The following CLEC16A variants were observed in gnomAD, a reference collection of about 807,000 sequenced individuals.
CLEC16A encodes protein CLEC16A.
CLEC16A carries 51 observed loss-of-function variants against 109.5 expected under a neutral mutation model. The ratio of observed to expected loss-of-function variants is 0.47; its 90% CI spans 0.37 to 0.59. The LOEUF (loss-of-function observed/expected upper bound fraction) is 0.59, where lower values mean the gene tolerates loss of function less well. Ranked by LOEUF, CLEC16A falls within the 20% of genes least tolerant of loss-of-function variation. The pLI, the probability that CLEC16A is intolerant of heterozygous loss-of-function variation, is 0.00. For missense variants in CLEC16A, 1,339 were observed against 1,394.0 expected (o/e 0.96, Z 0.63); for synonymous variants, 673 against 564.2 (o/e 1.19, Z -2.73).
chr16:10,973,108 G>C (rs758888962), intron 7 of CLEC16A, 47 bp downstream of exon 7: 9 of 1,548,924 alleles, frequency 5.8e-6, no homozygotes, highest in Non-Finnish European at 7.0e-6. Flanking sequence ...AGGGTGGTTA[G>C]GGGAGAATTC....
intron 19 of CLEC16A, among the ~76,000 whole-genome samples, chr16:11,114,014 C>T (rs2051788884): frequency 6.6e-6 from 1 of 152,132 alleles, no homozygotes; most frequent in Admixed American, 6.5e-5. Context: ...TTGAGAAATG[C>T]CAGTTTCTCT....
At chr16:11,004,308 C>G (rs2044856382) in intron 11 of CLEC16A, among the ~76,000 whole-genome samples, 1 of 152,190 alleles carries the variant, frequency 6.6e-6, no homozygotes, top group African/African-American at 2.4e-5. Context: ...GCCCGTCGTC[C>G]TGGGCACTGG....
rs760323471 is a variant in CLEC16A, at chr16:10,961,420, G to A, written c.210-1035G>A. ...GAGGCACCCACAACTGAGTCAGCCC[G>A]CAGGCACACCTCATTTCTTCCAAGT... is the stretch of plus-strand genomic sequence containing the variant. On this transcript the variant is annotated intron_variant, in intron 2 of 23. Transcript: ENST00000409790. This position sits in a 1 kb window ranked among gnomAD's most constrained non-coding sequence, Gnocchi z 4.3. Among the ~76,000 whole-genome samples, 37 of 152,244 alleles carry A rather than the reference G, an allele frequency of 2.4e-4. No homozygotes were observed. The highest frequency in any genetic ancestry group is 2.0e-3 in the Admixed American group (30 of 15,286).
At chr16:11,026,648 T>G (rs1217030974) in intron 13 of CLEC16A, among the ~76,000 whole-genome samples, 1 of 125,348 alleles carries the variant, frequency 8.0e-6, no homozygotes, top group African/African-American at 3.4e-5. Context: ...GTTTGGGGTT[T>G]TTTTTTTTTT....
intron 12 of CLEC16A, among the ~76,000 whole-genome samples, chr16:11,023,032 G>A: frequency 6.7e-6 from 1 of 149,586 alleles, no homozygotes; most frequent in East Asian, 1.9e-4. Context: ...GCATAAAGGG[G>A]GAAAAAGTCT....
At chr16:10,986,805 T>G (rs561949111) in intron 10 of CLEC16A, among the ~76,000 whole-genome samples, 25 of 151,830 alleles carry the variant, frequency 1.6e-4, no homozygotes, top group African/African-American at 5.8e-4. Context: ...CTTTATCCAT[T>G]TATCCATCAT....
chr16:11,159,856 T>A (rs1290606878), intron 22 of CLEC16A, among the ~76,000 whole-genome samples: 1 of 152,232 alleles, frequency 6.6e-6, no homozygotes, highest in African/African-American at 2.4e-5. Flanking sequence ...TTTTAGTAGC[T>A]TTCAGTATTT....
chr16:11,009,574 G>T (rs9926862), intron 11 of CLEC16A, among the ~76,000 whole-genome samples: 20,211 of 152,146 alleles, frequency 0.13, 1,497 homozygotes, highest in African/African-American at 0.21. Flanking sequence ...TCCTAGAGGC[G>T]GGAAACTTCA....
At chr16:11,112,604 G>A (rs1254227504) in intron 19 of CLEC16A, among the ~76,000 whole-genome samples, 1 of 152,098 alleles carries the variant, frequency 6.6e-6, no homozygotes, top group Non-Finnish European at 1.5e-5. Flanking sequence ...GTTTGAGGCT[G>A]CGGTAAGCAA....
intron 10 of CLEC16A, among the ~76,000 whole-genome samples, chr16:11,002,291 C>A (rs2044713224): frequency 6.6e-6 from 1 of 152,192 alleles, no homozygotes; most frequent in Admixed American, 6.5e-5. Flanking sequence ...CAGAAGTGTT[C>A]ATCAGAAGTT....
At chr16:11,138,933 A>C (rs1002693963) in intron 22 of CLEC16A, among the ~76,000 whole-genome samples, 8 of 152,096 alleles carry the variant, frequency 5.3e-5, no homozygotes, top group African/African-American at 1.9e-4. Flanking sequence ...ATAACCATGA[A>C]GTGAAAACAG....
At chr16:11,172,462 C>T (rs11864649) in intron 23 of CLEC16A, among the ~76,000 whole-genome samples, 2,281 of 152,292 alleles carry the variant, frequency 0.015, 52 homozygotes, top group African/African-American at 0.051. Context: ...CACATACATT[C>T]CAAGTGAACT....
At chr16:11,169,600 T>G (rs894258019) in intron 23 of CLEC16A, among the ~76,000 whole-genome samples, 4 of 152,186 alleles carry the variant, frequency 2.6e-5, no homozygotes, top group African/African-American at 9.7e-5. Flanking sequence ...CTTTGCACAC[T>G]TTGCATGGCC....
intron 11 of CLEC16A, among the ~76,000 whole-genome samples, chr16:11,010,581 C>T (rs1048588522): frequency 2.6e-5 from 4 of 152,194 alleles, no homozygotes; most frequent in African/African-American, 9.7e-5. Context: ...ACCCCACGCA[C>T]ATTCATCGTG....
intron 22 of CLEC16A, among the ~76,000 whole-genome samples, chr16:11,146,854 CAG>C (rs1310778720): frequency 3.3e-5 from 5 of 152,076 alleles, no homozygotes; most frequent in African/African-American, 7.2e-5. Flanking sequence ...ACTGGGGACT[CAG>C]GGGTTAGTCA....
chr16:11,101,011 G>A (rs2050884272), intron 19 of CLEC16A, among the ~76,000 whole-genome samples: 1 of 152,072 alleles, frequency 6.6e-6, no homozygotes, highest in South Asian at 2.1e-4. Flanking sequence ...CTAGTACCTG[G>A]GACTGTGCTT....
chr16:11,123,798 C>G lies in CLEC16A; in HGVS notation c.2325C>G (p.His775Gln). 2 of 1,614,094 alleles carry G rather than the reference C, an allele frequency of 1.2e-6. No individual in the cohort carries two copies. Among genetic ancestry groups the G allele is most frequent in the East Asian group, 2.2e-5 (1 of 44,890 alleles). Residue 775 changes from histidine (H) to glutamine (Q), a missense_variant, in exon 21 of 24, where the codon CAC (histidine) becomes CAG (glutamine). By Grantham distance (24) the His-to-Gln change is conservative. Around this residue, in one of 3 missense-constraint regions of CLEC16A, gnomAD observed 1,061 missense variants for 1,006.8 expected, o/e 1.05. Transcript: ENST00000409790. ...DDSRALNITI[H>Q]KPASSPHSKP... Reference sequence around the variant, plus strand: ...GCCGTGCCCTGAACATCACCATCCACAAGCCTGCGTCCAGCCCCCATTCCA... The same window carrying G: ...GCCGTGCCCTGAACATCACCATCCAGAAGCCTGCGTCCAGCCCCCATTCCA...
chr16:11,054,756 G>A (rs1452451520), intron 18 of CLEC16A, among the ~76,000 whole-genome samples: 3 of 152,146 alleles, frequency 2.0e-5, no homozygotes, highest in Non-Finnish European at 4.4e-5. Context: ...TCATCCAGAA[G>A]CTTAGCTCTT....
At chr16:10,972,301 G>A (rs1464206931) in intron 5 of CLEC16A, among the ~76,000 whole-genome samples, 3 of 152,204 alleles carry the variant, frequency 2.0e-5, no homozygotes, top group Admixed American at 1.3e-4. Flanking sequence ...CAGGTCACAC[G>A]CTGGACCTCT....
Sources: gnomAD v4.1 joint callset for allele counts (sites outside exome capture counted in the v4.1 genomes callset) on GRCh38, gnomAD v4.1.1 for gene constraint, gnomAD v4.1.1 regional missense constraint, Gnocchi (gnomAD v3.1) non-coding constraint, MANE v1.5 for transcripts, NCBI Gene and HGNC (gene_info 2026-07-23, HGNC 2026-07-21) for gene names.